HDAC4: variants seen among roughly 807,000 people sequenced by gnomAD.
HDAC4 encodes histone deacetylase A.
A neutral mutation model predicts 135.1 loss-of-function variants in HDAC4; 16 were observed. The observed-to-expected ratio is 0.12, with a 90% CI of 0.08 to 0.18. The LOEUF (loss-of-function observed/expected upper bound fraction) is 0.18, where lower values mean the gene tolerates loss of function less well. Ranked by LOEUF, HDAC4 falls within the 10% of genes least tolerant of loss-of-function variation. HDAC4 has a pLI of 1.00. For synonymous variants in HDAC4, 685 were observed against 653.4 expected, an observed-to-expected ratio of 1.05 and a Z score of -0.74; for missense variants, 1,143 against 1,511.8, an observed-to-expected ratio of 0.76 and a Z score of 4.05.
At chr2:239,098,350 C>T (rs996684313) in intron 16 of HDAC4, among the ~76,000 whole-genome samples, 1 of 152,230 alleles carries the variant, frequency 6.6e-6, no homozygotes, top group Non-Finnish European at 1.5e-5. Flanking sequence ...GGCAGACAGG[C>T]GTTCTGTGCC....
At chr2:239,066,701 G>T (rs531457244) in intron 24 of HDAC4, 21 bp downstream of exon 24, 2 of 1,613,310 alleles carry the variant, frequency 1.2e-6, no homozygotes, top group East Asian at 2.2e-5. Context: ...GCATCCTGTG[G>T]GGTCTCTGGG....
chr2:239,342,931 C>T (rs1298142009), intron 2 of HDAC4, among the ~76,000 whole-genome samples: 3 of 152,174 alleles, frequency 2.0e-5, no homozygotes, highest in African/African-American at 7.2e-5. Flanking sequence ...ATCAGCTGTG[C>T]CTAGCTCCCT....
Position 239,053,027 on chromosome 2 carries a change from C to G in HDAC4, c.*70G>C. The G allele has an allele frequency of 6.3e-7, 1 of 1,584,134 alleles. No individual in the cohort carries two copies. Among genetic ancestry groups the G allele is most frequent in the Non-Finnish European group, 8.7e-7 (1 of 1,152,710 alleles). ...CCCACGGTGGGACGCAGGCGTGACACGGGAAAGTTTCTTGGCTGAGCTTCA... is the reference window on the plus strand; with the variant it reads ...CCCACGGTGGGACGCAGGCGTGACAGGGGAAAGTTTCTTGGCTGAGCTTCA... On this transcript the variant is annotated 3_prime_UTR_variant, in exon 27 of 27. Transcript: ENST00000543185.
At position 239,081,125 on chromosome 2, in the gene HDAC4, A is replaced by G; in HGVS notation, c.2720T>C (p.Met907Thr). The change falls in exon 22 of 27, where the codon ATG becomes ACG. Residue 907 changes from methionine to threonine, a missense_variant. Coordinates refer to ENST00000543185, the MANE Select transcript of HDAC4 (RefSeq NM_001378414.1). ...MAFTGGLDPPMGDAEYLAAFR... is the reference protein window; with the variant it reads ...MAFTGGLDPPTGDAEYLAAFR... The stretch of plus-strand genomic sequence containing the variant: ...GGCCGCCAAGTACTCAGCGTCTCCC[A>G]TGGGGGGGTCCAGGCCGCCGGTGAA... The G allele has an allele frequency of 6.2e-7, 1 of 1,614,000 alleles. No homozygotes were observed.
At chr2:239,211,404 G>A (rs1257809329) in intron 3 of HDAC4, among the ~76,000 whole-genome samples, 1 of 152,200 alleles carries the variant, frequency 6.6e-6, no homozygotes, top group Non-Finnish European at 1.5e-5. Context: ...GGTTGCTAAC[G>A]GTGATGGTCC....
intron 22 of HDAC4, among the ~76,000 whole-genome samples, chr2:239,071,356 A>C (rs1358260382): frequency 6.6e-6 from 1 of 152,184 alleles, no homozygotes; most frequent in Non-Finnish European, 1.5e-5. Flanking sequence ...CAGAGGTTGC[A>C]GTGAGTCAAG....
intron 19 of HDAC4, among the ~76,000 whole-genome samples, chr2:239,086,193 C>T (rs1343050364): frequency 2.9e-4 from 7 of 24,054 alleles, no homozygotes; most frequent in African/African-American, 4.7e-4. Context: ...TGCTCTAACA[C>T]GCGGATCTGA....
chr2:239,150,433 C>A (rs540361105), intron 7 of HDAC4, among the ~76,000 whole-genome samples: 1 of 152,136 alleles, frequency 6.6e-6, no homozygotes, highest in African/African-American at 2.4e-5. Flanking sequence ...ACACCCCACA[C>A]ACAGAAACAC....
rs376028879 is a variant in HDAC4 at position 239,121,714 on chromosome 2, G to A, written c.1533+4742C>T. On this transcript the variant is annotated intron_variant, in intron 12 of 26. Transcript: ENST00000543185. ...AGGGCTCTCAGGCAGGGCCTGAGGA[G>A]GATGTCACTTTGGCAGTGGTGCCAC... Among the ~76,000 whole-genome samples, 31 of 152,276 alleles carry A rather than the reference G, an allele frequency of 2.0e-4. 1 individual carries two copies. Among genetic ancestry groups the A allele is most frequent in the African/African-American group, 9.6e-5 (4 of 41,480 alleles).
chr2:239,190,113 C>T (rs774272855), intron 3 of HDAC4, 36 bp from the exon 4 acceptor site: 36 of 1,588,202 alleles, frequency 2.3e-5, no homozygotes, highest in South Asian at 4.5e-5. Context: ...CGGTCACTGC[C>T]GCCCTTTGCT....
chr2:239,383,349 G>A (rs1053237280), intron 1 of HDAC4, among the ~76,000 whole-genome samples: 2 of 152,170 alleles, frequency 1.3e-5, no homozygotes, highest in African/African-American at 4.8e-5. Flanking sequence ...CTGGACAAAC[G>A]TCAGTGTCTG....
intron 2 of HDAC4, among the ~76,000 whole-genome samples, chr2:239,277,694 C>T (rs2050452744): frequency 6.6e-6 from 1 of 152,196 alleles, no homozygotes; most frequent in African/African-American, 2.4e-5. Flanking sequence ...CACAAGGACC[C>T]TGGCTTGATA....
Position 239,068,775 on chromosome 2 carries a change from T to G in HDAC4, c.2751-168A>C. The G allele has an allele frequency of 1.4e-6, 1 of 699,928 alleles. No individual in the cohort carries two copies. Among genetic ancestry groups the G allele is most frequent in the East Asian group, 2.7e-5 (1 of 37,186 alleles). 43.4% of individuals were successfully genotyped at this position (699,928 alleles called of 1,614,324 possible). Reference sequence around the variant, plus strand: ...GCTGGAATCTGGCGACCACGCTTAATTAGAAGGGAATCAACCCACGTGTGA... The same window carrying G: ...GCTGGAATCTGGCGACCACGCTTAAGTAGAAGGGAATCAACCCACGTGTGA... On this transcript the variant is annotated intron_variant, in intron 22 of 26. Coordinates refer to ENST00000543185, the MANE Select transcript of HDAC4 (RefSeq NM_001378414.1). The surrounding 1 kb of genome is among the most constrained non-coding windows in gnomAD (Gnocchi z 4.4).
chr2:239,088,739 C>T (rs774380666), intron 18 of HDAC4, among the ~76,000 whole-genome samples: 15 of 152,126 alleles, frequency 9.9e-5, no homozygotes, highest in Non-Finnish European at 1.9e-4. Context: ...AGTAAAGAGA[C>T]GGGAAGGAAG....
At chr2:239,310,843 T>C (rs2052841269) in intron 2 of HDAC4, among the ~76,000 whole-genome samples, 1 of 152,114 alleles carries the variant, frequency 6.6e-6, no homozygotes, top group South Asian at 2.1e-4. Context: ...CTTCAACCCT[T>C]CCACTGGCCT....
At chr2:239,199,546 G>A (rs56334331) in intron 3 of HDAC4, among the ~76,000 whole-genome samples, 4,653 of 152,128 alleles carry the variant, frequency 0.031, 82 homozygotes, top group East Asian at 0.099. Context: ...AGTGGGTCTC[G>A]TGGCAGCCTC....
Position 239,115,093 on chromosome 2 carries a change from C to T in HDAC4, c.1751G>A (p.Gly584Asp), listed in dbSNP as rs1344029303. 4 of 1,611,540 alleles carry T rather than the reference C, an allele frequency of 2.5e-6. No homozygotes were observed. The Admixed American group carries it at 6.7e-5, about 27-fold the overall frequency. ...CTCCTGCTCACTGGGCTGGCGCTGG[C>T]CCGGCTCCACCTCCCGTGGGGGCTC... ...EAEPPREVEP[G>D]QRQPSEQELL... The change falls in exon 13 of 27, where the codon GGC becomes GAC. Residue 584 changes from glycine to aspartate, a missense_variant. This residue lies in a region of HDAC4 where 196 missense variants were observed against 210.7 expected (regional missense o/e 0.93). Transcript: ENST00000543185. The surrounding 1 kb of genome is among the most constrained non-coding windows in gnomAD (Gnocchi z 6.3).
chr2:239,280,947 C>G, intron 2 of HDAC4, among the ~76,000 whole-genome samples: 1 of 138,040 alleles, frequency 7.2e-6, no homozygotes, highest in South Asian at 2.2e-4. Context: ...ACACACCACT[C>G]TACAATGTAC....
chr2:239,175,366 C>T (rs370750263), intron 5 of HDAC4, among the ~76,000 whole-genome samples: 35 of 152,332 alleles, frequency 2.3e-4, no homozygotes, highest in East Asian at 1.5e-3. Context: ...GACACACTGG[C>T]GACGCTGGGC....
Sources: gnomAD v4.1 joint callset for allele counts (sites outside exome capture counted in the v4.1 genomes callset) on GRCh38, gnomAD v4.1.1 for gene constraint, gnomAD v4.1.1 regional missense constraint, Gnocchi (gnomAD v3.1) non-coding constraint, MANE v1.5 for transcripts, NCBI Gene and HGNC (gene_info 2026-07-23, HGNC 2026-07-21) for gene names.